The following KPNA6 variants were observed in gnomAD, a reference collection of about 807,000 sequenced individuals.
KPNA6 encodes importin subunit alpha-7.
A neutral mutation model predicts 72.0 loss-of-function variants in KPNA6; 9 were observed. That is an observed-to-expected ratio of 0.13 (90% CI 0.08 to 0.22). The LOEUF is 0.22. Ranked by LOEUF, KPNA6 falls within the 10% of genes least tolerant of loss-of-function variation. KPNA6 has a pLI of 1.00. For missense variants in KPNA6, 374 were observed against 655.7 expected, an observed-to-expected ratio of 0.57 and a Z score of 4.69; for synonymous variants, 219 against 242.1, an observed-to-expected ratio of 0.90 and a Z score of 0.89.
At chr1:32,108,955 A>C (rs1041287753) in intron 1 of KPNA6, among the ~76,000 whole-genome samples, 5 of 152,228 alleles carry the variant, frequency 3.3e-5, no homozygotes, top group Non-Finnish European at 7.3e-5. Context: ...TAAAGCAGTA[A>C]AAATTGTGAA....
In KPNA6 at chr1:32,157,234, T is replaced by C. The variant is rs141256564; in HGVS notation, c.232-112T>C. ...CAGACCCCTTCTCCTGAGCCTATTA[T>C]GCCATCCTCTTGCCCTCAGTTTTTT... is the stretch of plus-strand genomic sequence containing the variant. On this transcript the variant is annotated intron_variant, in intron 3 of 13. Coordinates refer to ENST00000373625, the MANE Select transcript of KPNA6 (RefSeq NM_012316.5). 1.6e-3 allele frequency: 1,187 copies of C among 747,078 alleles called. 5 individuals are homozygous for C. In the African/African-American group the frequency reaches 0.018, roughly 11 times the overall value. The allele number at this position is 747,078 out of a possible 1,614,324, so 46.3% of individuals were successfully genotyped here.
intron 1 of KPNA6, among the ~76,000 whole-genome samples, chr1:32,131,632 ATATATGTATGTG>A (rs1348764789): frequency 6.6e-6 from 1 of 151,638 alleles, no homozygotes; most frequent in Non-Finnish European, 1.5e-5. Context: ...ACATATATAC[ATATATGTATGTG>A]TATATATATA....
At chr1:32,162,640 G>C in intron 9 of KPNA6, 116 bp downstream of exon 9, 1 of 1,065,358 alleles carries the variant, frequency 9.4e-7, no homozygotes, top group East Asian at 2.5e-5. Context: ...TTCGAGACCA[G>C]CCTGACCAAC....
At position 32,128,721 on chromosome 1, in the gene KPNA6, A is replaced by G. The variant is rs1295183307; in HGVS notation, c.4+20587A>G. Among the ~76,000 whole-genome samples, 4 of 152,072 alleles carry G rather than the reference A, an allele frequency of 2.6e-5. 1 individual carries two copies. The highest frequency in any genetic ancestry group is 4.1e-4 in the South Asian group (2 of 4,826). On this transcript the variant is annotated intron_variant, in intron 1 of 13. Coordinates refer to ENST00000373625, the MANE Select transcript of KPNA6 (RefSeq NM_012316.5). ...ACTGGCACTTCTGACAGGCTTGCACATAACACCCTGAGAGCCTCATGCTGC... is the reference window on the plus strand; with the variant it reads ...ACTGGCACTTCTGACAGGCTTGCACGTAACACCCTGAGAGCCTCATGCTGC...
intron 1 of KPNA6, among the ~76,000 whole-genome samples, chr1:32,135,498 ATT>A (rs554428967): frequency 2.3e-4 from 29 of 125,498 alleles, no homozygotes; most frequent in Non-Finnish European, 2.5e-4. Context: ...ATGCTTGGCC[ATT>A]TTTTTTTTTT....
At chr1:32,118,344 CTT>C (rs201054117) in intron 1 of KPNA6, among the ~76,000 whole-genome samples, 7 of 143,956 alleles carry the variant, frequency 4.9e-5, no homozygotes, top group Admixed American at 6.9e-5. Flanking sequence ...TTTGTTCTTA[CTT>C]TTTTTTTTTT....
chr1:32,146,676 A>G (rs1641934620), intron 1 of KPNA6, among the ~76,000 whole-genome samples: 1 of 152,192 alleles, frequency 6.6e-6, no homozygotes, highest in African/African-American at 2.4e-5. Flanking sequence ...ATGTAGATTT[A>G]TAATTATTTT....
chr1:32,167,853 C>CAA (rs376077938), intron 12 of KPNA6, among the ~76,000 whole-genome samples: 175 of 79,972 alleles, frequency 2.2e-3, no homozygotes, highest in Middle Eastern at 8.6e-3. Flanking sequence ...GAGTCTGTCA[C>CAA]AAAAAAAAAA....
intron 1 of KPNA6, among the ~76,000 whole-genome samples, chr1:32,133,528 A>AG: frequency 6.6e-6 from 1 of 151,450 alleles, no homozygotes; most frequent in East Asian, 1.9e-4. Context: ...AAAAAAAAAA[A>AG]AAAAAAAAAA....
In KPNA6 at chr1:32,174,108, T is replaced by C. The variant is rs1179655127; in HGVS notation, c.*3214T>C. ...GCTGCAGCCTTCTGATAGAACCACA[T>C]GGATTCCACCCACAGCTGGCCAGGC... On this transcript the variant is annotated 3_prime_UTR_variant, in exon 14 of 14. Coordinates refer to ENST00000373625, the MANE Select transcript of KPNA6 (RefSeq NM_012316.5). 6.6e-6 allele frequency: 1 copy of C among 152,154 alleles called. No individual in the cohort carries two copies. The highest frequency in any genetic ancestry group is 1.5e-5 in the Non-Finnish European group (1 of 68,050). 9.4% of individuals were successfully genotyped at this position (152,154 alleles called of 1,614,324 possible).
At chr1:32,121,628 A>T (rs952496960) in intron 1 of KPNA6, among the ~76,000 whole-genome samples, 6 of 152,190 alleles carry the variant, frequency 3.9e-5, no homozygotes, top group Non-Finnish European at 5.9e-5. Flanking sequence ...GAAAGGAAGG[A>T]AACATCAGTC....
chr1:32,119,020 A>ATTTT (rs1557457142), intron 1 of KPNA6, among the ~76,000 whole-genome samples: 1 of 72,884 alleles, frequency 1.4e-5, no homozygotes, highest in African/African-American at 8.1e-5. Context: ...ATATATATAT[A>ATTTT]TATATATATA....
chr1:32,125,072 T>C (rs1641509901), intron 1 of KPNA6, among the ~76,000 whole-genome samples: 1 of 152,104 alleles, frequency 6.6e-6, no homozygotes, highest in Admixed American at 6.6e-5. Context: ...CTCGAACTCC[T>C]GAGCTCAGGC....
chr1:32,108,798 T>C (rs1307589105), intron 1 of KPNA6, among the ~76,000 whole-genome samples: 1 of 152,190 alleles, frequency 6.6e-6, no homozygotes, highest in Non-Finnish European at 1.5e-5. Context: ...TTGAGGACTT[T>C]AGGTTTCTGG....
intron 1 of KPNA6, among the ~76,000 whole-genome samples, chr1:32,112,485 TTTTATTTA>T (rs533432336): frequency 3.3e-5 from 5 of 152,046 alleles, no homozygotes. Flanking sequence ...AAAGTACCTC[TTTTATTTA>T]TTTATTTATT....
intron 1 of KPNA6, among the ~76,000 whole-genome samples, chr1:32,147,301 G>A (rs1641945432): frequency 6.6e-6 from 1 of 151,978 alleles, no homozygotes; most frequent in Non-Finnish European, 1.5e-5. Flanking sequence ...GTTTTGTTTT[G>A]TTTTGTTTTT....
chr1:32,119,880 C>T (rs907674783), intron 1 of KPNA6, among the ~76,000 whole-genome samples: 7 of 150,742 alleles, frequency 4.6e-5, no homozygotes, highest in Non-Finnish European at 1.0e-4. Flanking sequence ...AAGTAGCTGG[C>T]ATTACAGGCG....
At position 32,141,309 on chromosome 1, in the gene KPNA6, T is replaced by C. The variant is rs55838137; in HGVS notation, c.5-13279T>C. Among the ~76,000 whole-genome samples the C allele has an allele frequency of 7.9e-3, 1,186 of 150,716 alleles. 8 individuals carry two copies. Among genetic ancestry groups the C allele is most frequent in the Non-Finnish European group, 0.012 (839 of 67,722 alleles). ...CTATGGCAATCTTGCTACTCACTAA[T>C]GTGTGACCTGAGTGAGCCTCAGTTT... On this transcript the variant is annotated intron_variant, in intron 1 of 13. Coordinates refer to ENST00000373625, the MANE Select transcript of KPNA6 (RefSeq NM_012316.5).
intron 1 of KPNA6, 44 bp from the exon 2 acceptor site, chr1:32,154,544 C>T (rs769903845): frequency 6.3e-7 from 1 of 1,598,482 alleles, no homozygotes; most frequent in African/African-American, 1.3e-5. Flanking sequence ...AAAGGAAATG[C>T]TGTCCTCTCA....
Sources: allele counts gnomAD v4.1 joint callset (sites outside exome capture counted in the v4.1 genomes callset), GRCh38; gene constraint gnomAD v4.1.1; transcripts MANE v1.5; gene names NCBI Gene and HGNC (gene_info 2026-07-23, HGNC 2026-07-21).